LGR6: variants seen among roughly 807,000 people sequenced by gnomAD.
LGR6 encodes the protein leucine rich repeat containing G protein-coupled receptor 6, also known as leucine-rich repeat-containing G protein-coupled receptor 6.
Under a neutral mutation model 69.4 loss-of-function variants are expected in LGR6, and 45 were observed. The observed-to-expected ratio is 0.65, with a 90% CI of 0.51 to 0.83. The LOEUF (loss-of-function observed/expected upper bound fraction) is 0.83, where lower values mean the gene tolerates loss of function less well. Among genes scored for constraint, LGR6 ranks in the 40% least tolerant of loss-of-function variants. The pLI is 0.00. For missense variants in LGR6, 1,108 were observed against 1,246.7 expected, an observed-to-expected ratio of 0.89 and a Z score of 1.68; for synonymous variants, 538 against 555.0, an observed-to-expected ratio of 0.97 and a Z score of 0.43.
At chr1:202,248,408 C>T (rs1404335404) in intron 4 of LGR6, among the ~76,000 whole-genome samples, 1 of 152,202 alleles carries the variant, frequency 6.6e-6, no homozygotes, top group African/African-American at 2.4e-5. Flanking sequence ...ACCACTGCAA[C>T]CAGATGGCTC....
chr1:202,205,258 A>G (rs1659113833), intron 1 of LGR6, among the ~76,000 whole-genome samples: 1 of 55,666 alleles, frequency 1.8e-5, no homozygotes. Context: ...ACACACACAC[A>G]CACCTCCAAA....
At chr1:202,289,825 A>T (rs968861434) in intron 6 of LGR6, among the ~76,000 whole-genome samples, 1 of 152,172 alleles carries the variant, frequency 6.6e-6, no homozygotes, top group Non-Finnish European at 1.5e-5. Context: ...CCTTTGGGAG[A>T]TAAAAGGCAA....
intron 6 of LGR6, among the ~76,000 whole-genome samples, chr1:202,286,413 G>A (rs1666396502): frequency 6.6e-6 from 1 of 152,146 alleles, no homozygotes; most frequent in Admixed American, 6.5e-5. Context: ...AGGCTGTCTT[G>A]TCTCATATCT....
At chr1:202,217,936 T>A (rs1659893892) in intron 1 of LGR6, among the ~76,000 whole-genome samples, 1 of 152,250 alleles carries the variant, frequency 6.6e-6, no homozygotes, top group African/African-American at 2.4e-5. Flanking sequence ...CTGATGGAAG[T>A]ACACTCCCTT....
chr1:202,205,992 C>CT (rs1558005665), intron 1 of LGR6, among the ~76,000 whole-genome samples: 1 of 94,652 alleles, frequency 1.1e-5, no homozygotes, highest in Non-Finnish European at 2.3e-5. Flanking sequence ...ACACACACCC[C>CT]TAGTATGGGT....
Position 202,310,296 on chromosome 1 carries a change from T to A in LGR6, c.1506T>A (p.Leu502=), listed in dbSNP as rs748850353. ...SGQWEAEDLH[L]DDEESSKRPL... ...AGTGGGAGGCTGAAGACCTTCACCT[T>A]GATGATGAGGAGTCTTCAAAAAGGC... The change falls in exon 16 of 18, where the codon CTT becomes CTA. Residue 502 remains leucine (L), a synonymous_variant. Coordinates refer to ENST00000367278, the MANE Select transcript of LGR6 (RefSeq NM_001017403.2). 5.0e-5 allele frequency: 81 copies of A among 1,613,832 alleles called. No individual in the cohort carries two copies. The Admixed American group carries it at 1.3e-3, about 27-fold the overall frequency.
rs973074830 is a variant in LGR6 at position 202,299,402 on chromosome 1, C to T, written c.786-1447C>T. ...ATCTATCAAGAGGGCATGGAGGGAGCAGGATGTGCAAAAGCATTGAGCCGG... is the reference window on the plus strand; with the variant it reads ...ATCTATCAAGAGGGCATGGAGGGAGTAGGATGTGCAAAAGCATTGAGCCGG... On this transcript the variant is annotated intron_variant, in intron 7 of 17. Transcript: ENST00000367278. Among the ~76,000 whole-genome samples, 43 of 151,986 alleles carry T rather than the reference C, an allele frequency of 2.8e-4. 1 individual carries two copies. Among genetic ancestry groups the T allele is most frequent in the African/African-American group, 1.0e-3 (43 of 41,428 alleles).
At chr1:202,311,199 A>G (rs895341012) in intron 16 of LGR6, among the ~76,000 whole-genome samples, 1 of 152,148 alleles carries the variant, frequency 6.6e-6, no homozygotes, top group Admixed American at 6.5e-5. Flanking sequence ...CAATATTTCA[A>G]TGGAGAAAAT....
intron 4 of LGR6, among the ~76,000 whole-genome samples, chr1:202,266,325 G>A (rs1480329382): frequency 3.3e-5 from 5 of 152,060 alleles, no homozygotes; most frequent in Non-Finnish European, 7.4e-5. Flanking sequence ...GCTCTCGGAC[G>A]GACAGAGCCA....
At chr1:202,211,710 A>G (rs1659468931) in intron 1 of LGR6, among the ~76,000 whole-genome samples, 1 of 152,194 alleles carries the variant, frequency 6.6e-6, no homozygotes, top group Non-Finnish European at 1.5e-5. Flanking sequence ...AGAAAAGCGT[A>G]CATATCATAA....
chr1:202,219,316 T>C (rs1404632758), intron 1 of LGR6, among the ~76,000 whole-genome samples: 2 of 152,148 alleles, frequency 1.3e-5, no homozygotes, highest in Non-Finnish European at 2.9e-5. Flanking sequence ...AGCCTGGCCC[T>C]CATGGGGAGG....
In LGR6 at chr1:202,306,772, G is replaced by A. The variant is rs1380102311; in HGVS notation, c.1137-96G>A. The A allele has an allele frequency of 4.5e-6, 5 of 1,099,566 alleles. No homozygotes were observed. The South Asian group carries it at 5.1e-5, about 11-fold the overall frequency. The allele number at this position is 1,099,566 out of a possible 1,614,324, so 68.1% of individuals were successfully genotyped here. A position where few individuals can be genotyped will look rare whatever the true frequency, so the allele number is the denominator to read the frequency against. On this transcript the variant is annotated intron_variant, in intron 12 of 17. Coordinates refer to ENST00000367278, the MANE Select transcript of LGR6 (RefSeq NM_001017403.2). The stretch of plus-strand genomic sequence containing the variant: ...CCTTTCTTCCTGTGCCAGGAGAAGT[G>A]GGGGGCTCTACTTTCTTCCTCCCAG...
chr1:202,221,485 C>T (rs1660150984), intron 1 of LGR6, among the ~76,000 whole-genome samples: 1 of 152,184 alleles, frequency 6.6e-6, no homozygotes, highest in South Asian at 2.1e-4. Context: ...CCATTCCCCT[C>T]CTGCACGTCT....
In LGR6 at chr1:202,194,212, C is replaced by A; in HGVS notation, c.212+11C>A. ...CCTGACGGCTTACCTGTGAGTACTGCCCGCCTGTCCCCGCCTGGTCCTGCG... is the reference window on the plus strand; with the variant it reads ...CCTGACGGCTTACCTGTGAGTACTGACCGCCTGTCCCCGCCTGGTCCTGCG... On this transcript the variant is annotated intron_variant, in intron 1 of 17. Coordinates refer to ENST00000367278, the MANE Select transcript of LGR6 (RefSeq NM_001017403.2). 2 of 1,519,106 alleles carry A rather than the reference C, an allele frequency of 1.3e-6. No homozygotes were observed. The highest frequency in any genetic ancestry group is 2.5e-5 in the East Asian group (1 of 40,250). The allele number at this position is 1,519,106 out of a possible 1,614,324, so 94.1% of individuals were successfully genotyped here.
chr1:202,317,958 T>G lies in LGR6; in HGVS notation c.1655T>G (p.Phe552Cys), dbSNP rs1410055494. 6.2e-7 allele frequency: 1 copy of G among 1,608,442 alleles called. No individual in the cohort carries two copies. The highest frequency in any genetic ancestry group is 1.3e-5 in the African/African-American group (1 of 74,934). ...TGTCTGATCTCTCCTACAGGCCCCT[T>G]CAAGCCCTGTGAGTACCTCTTTGAA... The part of the protein sequence containing the change: ...SVQCSPTPGP[F>C]KPCEYLFESW... Residue 552 changes from phenylalanine to cysteine, a missense_variant, in exon 18 of 18, where the codon TTC (phenylalanine) becomes TGC (cysteine). Coordinates refer to ENST00000367278, the MANE Select transcript of LGR6 (RefSeq NM_001017403.2).
At position 202,308,870 on chromosome 1, in the gene LGR6, T is replaced by A. The variant is rs185543534; in HGVS notation, c.1281-181T>A. On this transcript the variant is annotated intron_variant, in intron 14 of 17. Coordinates refer to ENST00000367278, the MANE Select transcript of LGR6 (RefSeq NM_001017403.2). ...GAATGAACAACCTGCAGATGGTGCC[T>A]CTAGCAACTCTTGGCTGCCCTCCTC... is the stretch of plus-strand genomic sequence containing the variant. Among the ~76,000 whole-genome samples the A allele has an allele frequency of 3.8e-3, 586 of 152,324 alleles. 3 individuals are homozygous for A. Among genetic ancestry groups the A allele is most frequent in the African/African-American group, 0.014 (564 of 41,576 alleles).
intron 16 of LGR6, among the ~76,000 whole-genome samples, chr1:202,310,660 C>G (rs1296175823): frequency 6.6e-6 from 1 of 152,200 alleles, no homozygotes. Context: ...TCACTTAACC[C>G]TCCCCTTGTG....
intron 2 of LGR6, among the ~76,000 whole-genome samples, chr1:202,226,725 G>A (rs1319114753): frequency 2.6e-5 from 4 of 152,232 alleles, no homozygotes; most frequent in Admixed American, 6.5e-5. Context: ...CAAGTCAGCA[G>A]GGGAGTGTGG....
intron 2 of LGR6, among the ~76,000 whole-genome samples, chr1:202,227,488 G>C (rs1221273372): frequency 6.6e-6 from 1 of 152,174 alleles, no homozygotes; most frequent in Non-Finnish European, 1.5e-5. Flanking sequence ...TTAGGGCCTG[G>C]AGAGACACAG....
Sources: allele counts gnomAD v4.1 joint callset (sites outside exome capture counted in the v4.1 genomes callset), GRCh38; gene constraint gnomAD v4.1.1; transcripts MANE v1.5; gene names NCBI Gene and HGNC (gene_info 2026-07-23, HGNC 2026-07-21).